The following THTPA variants were observed in gnomAD, a reference collection of about 807,000 sequenced individuals.
THTPA encodes the protein thiamine-triphosphatase.
THTPA carries 16 observed loss-of-function variants against 16.5 expected under a neutral mutation model. The observed-to-expected ratio is 0.97, with a 90% CI of 0.66 to 1.47. The LOEUF is 1.47. THTPA is among the 40% of genes most tolerant of loss of function. The pLI is 0.00. For missense variants in THTPA, 281 were observed against 280.9 expected, an observed-to-expected ratio of 1.00 and a Z score of 0.00; for synonymous variants, 110 against 115.5, an observed-to-expected ratio of 0.95 and a Z score of 0.30.
At chr14:23,536,441 G>A in the THTPA span, among the ~76,000 whole-genome samples, 1 of 152,144 alleles carries the variant, frequency 6.6e-6, no homozygotes, top group African/African-American at 2.4e-5. Context: ...ATCCATCTCT[G>A]GTCACAGCAT....
intron 1 of THTPA, 80 bp from the exon 2 acceptor site, chr14:23,558,615 C>A: frequency 6.3e-7 from 1 of 1,575,020 alleles, no homozygotes; most frequent in South Asian, 1.2e-5. Context: ...TCCACGGAGT[C>A]CTGGCTAGGT....
chr14:23,517,812 A>T, the THTPA span, among the ~76,000 whole-genome samples: 4 of 152,014 alleles, frequency 2.6e-5, no homozygotes, highest in Non-Finnish European at 5.9e-5. Flanking sequence ...ACAGCTTGGT[A>T]TGGGCCCAAT....
At chr14:23,531,598 G>A in the THTPA span, 11 of 1,526,072 alleles carry the variant, frequency 7.2e-6, no homozygotes, top group Admixed American at 2.0e-5. Flanking sequence ...TGGGCATCGC[G>A]GTGGGCAGGT....
the THTPA span, chr14:23,535,159 G>A: frequency 2.6e-6 from 4 of 1,535,810 alleles, no homozygotes; most frequent in Non-Finnish European, 3.5e-6. This position sits in a 1 kb window ranked among gnomAD's most constrained non-coding sequence, Gnocchi z 4.5. Context: ...CTGTCCCCCT[G>A]GCTCTGAGGA....
the THTPA span, chr14:23,526,171 G>T: frequency 6.5e-7 from 1 of 1,536,564 alleles, no homozygotes; most frequent in Non-Finnish European, 8.7e-7. Flanking sequence ...AGCTCTGGTT[G>T]TAGGAGACTC....
chr14:23,559,563 A>G lies in THTPA; in HGVS notation c.*723A>G. 3.3e-6 allele frequency: 2 copies of G among 602,380 alleles called. No individual in the cohort carries two copies. Among genetic ancestry groups the G allele is most frequent in the South Asian group, 2.0e-5 (1 of 50,716 alleles). 37.3% of individuals were successfully genotyped at this position (602,380 alleles called of 1,614,324 possible). A position where few individuals can be genotyped will look rare whatever the true frequency, so the allele number is the denominator to read the frequency against. ...ACACTTTCCACTTCAAATATACCCAAATATGGCTTTCCTCACTTCTCAGGC... is the reference window on the plus strand; with the variant it reads ...ACACTTTCCACTTCAAATATACCCAGATATGGCTTTCCTCACTTCTCAGGC... On this transcript the variant is annotated 3_prime_UTR_variant, in exon 2 of 2. Transcript: ENST00000288014.
At chr14:23,549,132 T>C in the THTPA span, among the ~76,000 whole-genome samples, 2 of 152,214 alleles carry the variant, frequency 1.3e-5, no homozygotes, top group Non-Finnish European at 2.9e-5. Flanking sequence ...AGGAATATTC[T>C]ATCATTTCTC....
chr14:23,522,247 C>A, the THTPA span: 8 of 1,479,946 alleles, frequency 5.4e-6, no homozygotes, highest in Non-Finnish European at 7.2e-6. Context: ...CCCCAGAGCC[C>A]CGCCCAAAGA....
the THTPA span, chr14:23,511,919 C>G: frequency 1.3e-5 from 2 of 152,228 alleles, no homozygotes; most frequent in Non-Finnish European, 2.9e-5. Context: ...TTTTCCATGT[C>G]TATTCTCCTC....
the THTPA span, chr14:23,530,574 G>A: frequency 2.4e-6 from 1 of 418,736 alleles, no homozygotes; most frequent in South Asian, 2.0e-5. Flanking sequence ...CTGAATGGAA[G>A]CAGCTGCTGC....
At chr14:23,531,839 A>AT in the THTPA span, 1 of 1,221,790 alleles carries the variant, frequency 8.2e-7, no homozygotes, top group East Asian at 3.1e-5. Flanking sequence ...GTGCAGTGGC[A>AT]TGATCTCTAC....
the THTPA span, chr14:23,529,540 C>A: frequency 4.5e-6 from 3 of 673,842 alleles, no homozygotes; most frequent in Admixed American, 7.2e-5. Context: ...CAGCTCTGCC[C>A]CCGAAAGTGC....
At chr14:23,516,546 G>A in the THTPA span, among the ~76,000 whole-genome samples, 1 of 152,352 alleles carries the variant, frequency 6.6e-6, no homozygotes, top group South Asian at 2.1e-4. Flanking sequence ...CACAGATTCT[G>A]AAGGCTGGCT....
chr14:23,558,629 C>T (rs1413998273), intron 1 of THTPA, 66 bp from the exon 2 acceptor site: 1 of 1,595,804 alleles, frequency 6.3e-7, no homozygotes, highest in Non-Finnish European at 8.6e-7. Flanking sequence ...GCTAGGTGGG[C>T]AGGGAGCAGA....
At chr14:23,550,842 C>A in the THTPA span, among the ~76,000 whole-genome samples, 1 of 152,028 alleles carries the variant, frequency 6.6e-6, no homozygotes, top group Non-Finnish European at 1.5e-5. Flanking sequence ...CACGCCCCAG[C>A]GCGCTAGCCC....
At chr14:23,554,436 T>C (rs1464853651), upstream of THTPA, among the ~76,000 whole-genome samples, 2 of 152,030 alleles carry the variant, frequency 1.3e-5, no homozygotes, top group African/African-American at 2.4e-5. Context: ...GTGCAGGCAG[T>C]AGCAGGATCG....
chr14:23,546,349 G>A, the THTPA span, among the ~76,000 whole-genome samples: 1 of 152,128 alleles, frequency 6.6e-6, no homozygotes, highest in Non-Finnish European at 1.5e-5. This position sits in a 1 kb window ranked among gnomAD's most constrained non-coding sequence, Gnocchi z 4.7. Context: ...TTAGACTTTG[G>A]GGTAAAAAAT....
At chr14:23,530,488 C>T in the THTPA span, 1 of 602,480 alleles carries the variant, frequency 1.7e-6, no homozygotes, top group South Asian at 1.6e-5. Context: ...AACTCAGCTC[C>T]CTGTCTTAAA....
chr14:23,532,065 C>T, the THTPA span: 170 of 187,392 alleles, frequency 9.1e-4, 1 homozygote, highest in African/African-American at 3.5e-3. Flanking sequence ...CGTGAGCCAC[C>T]GCACCTAGCC....
Sources: gnomAD v4.1 joint callset for allele counts (sites outside exome capture counted in the v4.1 genomes callset) on GRCh38, gnomAD v4.1.1 for gene constraint, Gnocchi (gnomAD v3.1) non-coding constraint, MANE v1.5 for transcripts, NCBI Gene and HGNC (gene_info 2026-07-23, HGNC 2026-07-21) for gene names.